Variants in DNAJA2 observed in about 807,000 individuals in gnomAD.
DNAJA2 encodes dnaJ homolog subfamily A member 2.
Under a neutral mutation model 49.3 loss-of-function variants are expected in DNAJA2, and 6 were observed. The observed-to-expected ratio is 0.12, with a 90% CI of 0.07 to 0.24. The LOEUF (loss-of-function observed/expected upper bound fraction) is 0.24, where lower values mean the gene tolerates loss of function less well. Among genes scored for constraint, DNAJA2 ranks in the 10% least tolerant of loss-of-function variants. The pLI is 1.00. For missense variants in DNAJA2, 347 were observed against 516.8 expected, an observed-to-expected ratio of 0.67 and a Z score of 3.19; for synonymous variants, 160 against 172.7, an observed-to-expected ratio of 0.93 and a Z score of 0.58.
At chr16:46,961,581 CAAAA>C (rs36085777) in intron 6 of DNAJA2, among the ~76,000 whole-genome samples, 1 of 135,392 alleles carries the variant, frequency 7.4e-6, no homozygotes, top group Admixed American at 7.4e-5. Context: ...AAGACTGTCT[CAAAA>C]AAAAAAAAAA....
chr16:46,967,780 C>T, intron 4 of DNAJA2, 134 bp from the exon 5 acceptor site: 1 of 1,258,472 alleles, frequency 7.9e-7, no homozygotes, highest in Non-Finnish European at 1.1e-6. Flanking sequence ...CCAGAAGTAT[C>T]AGAAAACATT....
At chr16:46,971,112 G>A (rs1490708825) in intron 3 of DNAJA2, among the ~76,000 whole-genome samples, 2 of 151,562 alleles carry the variant, frequency 1.3e-5, no homozygotes, top group African/African-American at 4.8e-5. Context: ...AGCAGCCTCA[G>A]AACCATATAA....
At chr16:46,972,086 T>A (rs1232971013) in intron 1 of DNAJA2, 131 bp from the exon 2 acceptor site, 2 of 692,134 alleles carry the variant, frequency 2.9e-6, no homozygotes, top group Non-Finnish European at 5.0e-6. Context: ...TTTCTATTCG[T>A]AGGGATTCTT....
chr16:46,971,523 C>T lies in DNAJA2; in HGVS notation c.188G>A (p.Arg63His), dbSNP rs1251966743. ...CTCTCCGTATCTGTCATATAACTCA[C>T]GCTTCTCAGGATTTGATAGTACTTC... ...AYEVLSNPEKRELYDRYGEQG... is the reference protein window; with the variant it reads ...AYEVLSNPEKHELYDRYGEQG... Residue 63 changes from arginine to histidine, a missense_variant, in exon 3 of 9, where the codon CGT (arginine) becomes CAT (histidine). By Grantham distance (29) the Arg-to-His change is conservative. Coordinates refer to ENST00000317089, the MANE Select transcript of DNAJA2 (RefSeq NM_005880.4). 1.2e-6 allele frequency: 2 copies of T among 1,610,112 alleles called. No individual in the cohort carries two copies. Among genetic ancestry groups the T allele is most frequent in the Non-Finnish European group, 1.7e-6 (2 of 1,178,894 alleles).
intron 3 of DNAJA2, 113 bp downstream of exon 3, chr16:46,971,236 G>C (rs1380366895): frequency 1.2e-6 from 1 of 818,270 alleles, no homozygotes; most frequent in Non-Finnish European, 1.8e-6. Context: ...AAGGCAAATG[G>C]AAGTTTTTCT....
chr16:46,972,316 ATGAC>A, intron 1 of DNAJA2: 1 of 199,498 alleles, frequency 5.0e-6, no homozygotes, highest in South Asian at 9.5e-5. Flanking sequence ...TTCGAGATAA[ATGAC>A]TGTTAAGCTT....
At position 46,973,595 on chromosome 16, in the gene DNAJA2, G is replaced by T. The variant is rs764473484; in HGVS notation, c.-23C>A. On this transcript the variant is annotated 5_prime_UTR_variant, in exon 1 of 9. Transcript: ENST00000317089. ...CATGGCGGCCGGCCGGGCAGTGCTCGGGGAGAAGGTGGCGAAGCAGACAGA... is the reference window on the plus strand; with the variant it reads ...CATGGCGGCCGGCCGGGCAGTGCTCTGGGAGAAGGTGGCGAAGCAGACAGA... 2 of 1,589,076 alleles carry T rather than the reference G, an allele frequency of 1.3e-6. No homozygotes were observed. Among genetic ancestry groups the T allele is most frequent in the South Asian group, 2.2e-5 (2 of 89,194 alleles).
chr16:46,961,541 G>A (rs1349552866), intron 6 of DNAJA2, among the ~76,000 whole-genome samples: 2 of 148,304 alleles, frequency 1.3e-5, no homozygotes, highest in South Asian at 2.1e-4. Context: ...ATACAATTGC[G>A]CCACTACACT....
chr16:46,969,505 C>T (rs1181432033), intron 3 of DNAJA2, among the ~76,000 whole-genome samples: 3 of 152,092 alleles, frequency 2.0e-5, no homozygotes, highest in Admixed American at 2.0e-4. Context: ...ACAAAGAAGG[C>T]CAAGGAAGGA....
intron 3 of DNAJA2, among the ~76,000 whole-genome samples, chr16:46,970,884 C>A (rs1445677183): frequency 2.0e-5 from 3 of 151,252 alleles, no homozygotes. Context: ...TCTAAAAATA[C>A]AAAATTAGCC....
chr16:46,973,662 C>G lies in DNAJA2; in HGVS notation c.-90G>C, dbSNP rs983358792. ...AAGCGGCGTCGGCGGCGGCACAGGCCGAGGGAGACAGCGAGGGGGAAGCGG... is the reference window on the plus strand; with the variant it reads ...AAGCGGCGTCGGCGGCGGCACAGGCGGAGGGAGACAGCGAGGGGGAAGCGG... On this transcript the variant is annotated 5_prime_UTR_variant, in exon 1 of 9. Coordinates refer to ENST00000317089, the MANE Select transcript of DNAJA2 (RefSeq NM_005880.4). The G allele has an allele frequency of 7.3e-6, 10 of 1,375,118 alleles. No individual in the cohort carries two copies. The highest frequency in any genetic ancestry group is 2.0e-5 in the Admixed American group (1 of 49,732). The allele number at this position is 1,375,118 out of a possible 1,614,324, so 85.2% of individuals were successfully genotyped here.
At chr16:46,972,011 T>C in intron 1 of DNAJA2, 56 bp from the exon 2 acceptor site, 1 of 1,204,062 alleles carries the variant, frequency 8.3e-7, no homozygotes, top group Non-Finnish European at 1.2e-6. Flanking sequence ...TTAAAAGTTT[T>C]GTAATAACTT....
intron 8 of DNAJA2, chr16:46,958,577 AAAAC>A (rs769210081): frequency 6.0e-3 from 291 of 48,314 alleles, no homozygotes; most frequent in Non-Finnish European, 8.6e-3. Context: ...AAAAAAAACA[AAAAC>A]AAACAAACAA....
At chr16:46,961,304 C>T (rs1449608743) in intron 6 of DNAJA2, among the ~76,000 whole-genome samples, 1 of 151,772 alleles carries the variant, frequency 6.6e-6, no homozygotes, top group Non-Finnish European at 1.5e-5. Flanking sequence ...CACTTGAACC[C>T]GGGAGGTGGA....
At chr16:46,964,850 C>G (rs1430896547) in intron 5 of DNAJA2, 43 bp from the exon 6 acceptor site, 2 of 1,427,338 alleles carry the variant, frequency 1.4e-6, no homozygotes, top group East Asian at 2.3e-5. Flanking sequence ...GAGTACTATA[C>G]TGTACTCTTA....
chr16:46,969,349 C>G (rs1329566692), intron 3 of DNAJA2, among the ~76,000 whole-genome samples: 1 of 152,200 alleles, frequency 6.6e-6, no homozygotes, highest in Non-Finnish European at 1.5e-5. Flanking sequence ...CTATCAACAG[C>G]TGAGCTTTAG....
At chr16:46,959,568 A>T in intron 6 of DNAJA2, 149 bp from the exon 7 acceptor site, 1 of 653,870 alleles carries the variant, frequency 1.5e-6, no homozygotes, top group Non-Finnish European at 2.5e-6. Flanking sequence ...CCTAAACCGC[A>T]TTAGGAAAGC....
Position 46,967,502 on chromosome 16 carries a change from G to A in DNAJA2, c.577+11C>T. ...TCCAACATAAAAGCAGAGAAGTACT[G>A]GCACACATACCTTCTCCATTACAAT... On this transcript the variant is annotated intron_variant, in intron 5 of 8. Transcript: ENST00000317089. 1 of 1,613,852 alleles carries A rather than the reference G, an allele frequency of 6.2e-7. No individual in the cohort carries two copies. The highest frequency in any genetic ancestry group is 8.5e-7 in the Non-Finnish European group (1 of 1,179,938).
At position 46,958,356 on chromosome 16, in the gene DNAJA2, C is replaced by T. The variant is rs565358496; in HGVS notation, c.1047+647G>A. On this transcript the variant is annotated intron_variant, in intron 8 of 8. Coordinates refer to ENST00000317089, the MANE Select transcript of DNAJA2 (RefSeq NM_005880.4). ...CATGAGGTCAGGAGATCGAGACCATCGATCTAACATGGCTAACATGGTGAA... is the reference window on the plus strand; with the variant it reads ...CATGAGGTCAGGAGATCGAGACCATTGATCTAACATGGCTAACATGGTGAA... Among the ~76,000 whole-genome samples the T allele has an allele frequency of 3.3e-5, 5 of 152,036 alleles. No homozygotes were observed. In the East Asian group the frequency reaches 7.8e-4, roughly 24 times the overall value.
Sources: gnomAD v4.1 joint callset for allele counts (sites outside exome capture counted in the v4.1 genomes callset) on GRCh38, gnomAD v4.1.1 for gene constraint, MANE v1.5 for transcripts, NCBI Gene and HGNC (gene_info 2026-07-23, HGNC 2026-07-21) for gene names.